The following MGAT4C variants were observed in gnomAD, a reference collection of about 807,000 sequenced individuals.
The protein encoded by MGAT4C is alpha-1,3-mannosyl-glycoprotein 4-beta-N-acetylglucosaminyltransferase C.
A neutral mutation model predicts 40.1 loss-of-function variants in MGAT4C; 19 were observed. The ratio of observed to expected loss-of-function variants is 0.47; its 90% CI spans 0.33 to 0.70. MGAT4C has a LOEUF of 0.70. MGAT4C is among the 30% of genes least tolerant of loss of function. The pLI is 0.02. For missense variants in MGAT4C, 491 were observed against 563.2 expected, an observed-to-expected ratio of 0.87 and a Z score of 1.30; for synonymous variants, 181 against 187.1, an observed-to-expected ratio of 0.97 and a Z score of 0.27.
intron 2 of MGAT4C, among the ~76,000 whole-genome samples, chr12:86,603,447 C>A (rs1343358367): frequency 4.4e-5 from 5 of 113,516 alleles, no homozygotes; most frequent in African/African-American, 2.0e-4. Flanking sequence ...TATATATAGT[C>A]TATAGACTAT....
At chr12:86,640,848 AT>A (rs1009386290) in intron 2 of MGAT4C, among the ~76,000 whole-genome samples, 183 of 151,844 alleles carry the variant, frequency 1.2e-3, no homozygotes, top group Admixed American at 2.4e-3. Flanking sequence ...TTCTGCCTTC[AT>A]TTCGTTATGT....
intron 1 of MGAT4C, among the ~76,000 whole-genome samples, chr12:86,081,915 T>C (rs1016670710): frequency 2.0e-5 from 3 of 152,100 alleles, no homozygotes; most frequent in African/African-American, 7.2e-5. Flanking sequence ...AAAATCTTCA[T>C]TAAAAACATC....
intron 3 of MGAT4C, among the ~76,000 whole-genome samples, chr12:86,418,094 G>A (rs1956751768): frequency 1.3e-5 from 2 of 151,954 alleles, no homozygotes; most frequent in South Asian, 2.1e-4. Context: ...TACATTCTTT[G>A]CACAAACTTT....
At chr12:86,360,488 C>G (rs1258550544) in intron 3 of MGAT4C, among the ~76,000 whole-genome samples, 2 of 152,110 alleles carry the variant, frequency 1.3e-5, no homozygotes, top group East Asian at 1.9e-4. Flanking sequence ...CTGGCCAGGA[C>G]AGTCAGGCAG....
intron 1 of MGAT4C, among the ~76,000 whole-genome samples, chr12:86,809,801 C>T (rs1010048658): frequency 6.6e-6 from 1 of 151,912 alleles, no homozygotes; most frequent in Non-Finnish European, 1.5e-5. Context: ...AATATTTTTG[C>T]TTTGTCTGGT....
chr12:86,832,299 C>T (rs752614426), intron 1 of MGAT4C, among the ~76,000 whole-genome samples: 35 of 151,788 alleles, frequency 2.3e-4, no homozygotes, highest in Non-Finnish European at 2.9e-4. Flanking sequence ...TATTTCTCTA[C>T]ATAATATGAA....
chr12:86,588,373 C>G (rs1325809017), intron 2 of MGAT4C, among the ~76,000 whole-genome samples: 1 of 151,874 alleles, frequency 6.6e-6, no homozygotes, highest in East Asian at 1.9e-4. Flanking sequence ...TATATATGCA[C>G]CCAATACAGG....
intron 4 of MGAT4C, among the ~76,000 whole-genome samples, chr12:86,303,816 C>G (rs895172096): frequency 6.7e-6 from 1 of 150,362 alleles, no homozygotes; most frequent in Non-Finnish European, 1.5e-5. Flanking sequence ...GATTAAATAT[C>G]TAAGAATGTG....
chr12:86,252,648 G>A (rs1046329730), intron 1 of MGAT4C, among the ~76,000 whole-genome samples: 1 of 151,736 alleles, frequency 6.6e-6, no homozygotes, highest in Admixed American at 6.6e-5. Context: ...ATTGTCTCTA[G>A]TTTGCTTGTT....
intron 3 of MGAT4C, among the ~76,000 whole-genome samples, chr12:86,373,552 CAG>C (rs533450119): frequency 1.3e-5 from 2 of 151,686 alleles, no homozygotes; most frequent in Non-Finnish European, 2.9e-5. Context: ...AACAGTATCC[CAG>C]AGCAGATTAA....
chr12:86,514,837 A>G (rs11103976), intron 2 of MGAT4C, among the ~76,000 whole-genome samples: 1 of 152,148 alleles, frequency 6.6e-6, no homozygotes, highest in African/African-American at 2.4e-5. Context: ...ATTTAAGAAA[A>G]TTAAAACCTA....
At chr12:86,294,677 T>TG (rs1017010859) in intron 4 of MGAT4C, among the ~76,000 whole-genome samples, 5 of 152,182 alleles carry the variant, frequency 3.3e-5, no homozygotes, top group South Asian at 4.1e-4. Flanking sequence ...CAGCATTTGT[T>TG]GGGGGGGAAA....
intron 1 of MGAT4C, among the ~76,000 whole-genome samples, chr12:86,219,871 G>A (rs961146341): frequency 6.6e-6 from 1 of 152,076 alleles, no homozygotes; most frequent in Non-Finnish European, 1.5e-5. Context: ...TATGAACTCT[G>A]ACATGGCTCA....
intron 1 of MGAT4C, among the ~76,000 whole-genome samples, chr12:86,104,722 A>T (rs1334133400): frequency 6.6e-6 from 1 of 152,224 alleles, no homozygotes; most frequent in Admixed American, 6.5e-5. Flanking sequence ...TGAATAGTTC[A>T]TATATAAGTG....
chr12:86,811,081 T>G lies in MGAT4C; in HGVS notation c.-262+27585A>C, dbSNP rs975964898. On this transcript the variant is annotated intron_variant, in intron 1 of 7. Transcript: ENST00000548651. ...TAAGAGTGTGTGTTTAATTTTCATG[T>G]GTTTAGAGATTTTCCTGTGGTCATT... Among the ~76,000 whole-genome samples, 76 of 145,932 alleles carry G rather than the reference T, an allele frequency of 5.2e-4. 2 individuals are homozygous for G. Among genetic ancestry groups the G allele is most frequent in the African/African-American group, 1.6e-3 (65 of 40,454 alleles).
At chr12:86,196,288 G>A (rs61948968) in intron 1 of MGAT4C, among the ~76,000 whole-genome samples, 11,164 of 152,274 alleles carry the variant, frequency 0.073, 576 homozygotes, top group Middle Eastern at 0.22. Context: ...AATTTCCTTA[G>A]ATATTAAGGC....
intron 2 of MGAT4C, among the ~76,000 whole-genome samples, chr12:86,701,941 T>G (rs1043236376): frequency 6.6e-6 from 1 of 152,094 alleles, no homozygotes; most frequent in Non-Finnish European, 1.5e-5. Flanking sequence ...AAATTGAAAG[T>G]GGAATCAGCA....
chr12:86,223,900 A>C (rs184339672), intron 1 of MGAT4C, among the ~76,000 whole-genome samples: 9 of 152,302 alleles, frequency 5.9e-5, no homozygotes, highest in African/African-American at 2.2e-4. Flanking sequence ...TATCACTAGC[A>C]CTACCACTTG....
intron 2 of MGAT4C, among the ~76,000 whole-genome samples, chr12:86,619,330 A>G (rs751519370): frequency 6.6e-6 from 1 of 152,098 alleles, no homozygotes; most frequent in African/African-American, 2.4e-5. Flanking sequence ...TCATTCTCTC[A>G]TAGTATCTCA....
Sources: gnomAD v4.1 joint callset for allele counts (sites outside exome capture counted in the v4.1 genomes callset) on GRCh38, gnomAD v4.1.1 for gene constraint, MANE v1.5 for transcripts, NCBI Gene and HGNC (gene_info 2026-07-23, HGNC 2026-07-21) for gene names.